The following WEE2 variants were observed in gnomAD, a reference collection of about 807,000 sequenced individuals.
The protein encoded by WEE2 is WEE2 oocyte meiosis inhibiting kinase, also known as wee1-like protein kinase 2.
Under a neutral mutation model 60.1 loss-of-function variants are expected in WEE2, and 50 were observed. That is an observed-to-expected ratio of 0.83 (90% CI 0.66 to 1.05). WEE2 has a LOEUF of 1.05. Among genes scored for constraint, WEE2 ranks in the 50% least tolerant of loss-of-function variants. WEE2 has a pLI of 0.00. For synonymous variants in WEE2, 240 were observed against 241.0 expected (o/e 1.00, Z 0.04); for missense variants, 631 against 684.3 (o/e 0.92, Z 0.87).
At chr7:141,717,927 G>A (rs1798835984) in intron 3 of WEE2, among the ~76,000 whole-genome samples, 2 of 152,198 alleles carry the variant, frequency 1.3e-5, no homozygotes, top group South Asian at 2.1e-4. Context: ...AGGTCTTGAG[G>A]CTTTCTTATC....
At position 141,714,308 on chromosome 7, in the gene WEE2, A is replaced by C. The variant is rs982554202; in HGVS notation, c.442A>C (p.Thr148Pro). The change falls in exon 2 of 12, where the codon ACC becomes CCC. Residue 148 changes from threonine (T) to proline (P), a missense_variant. By Grantham distance (38) the Thr-to-Pro change is conservative. Transcript: ENST00000397541. ...LTPAPLKDEM[T>P]SLALVNINPF... ...ACCTGCTCCCCTCAAGGATGAGATGACCTCATTGGCTCTGGTCAATATTAA... is the reference window on the plus strand; with the variant it reads ...ACCTGCTCCCCTCAAGGATGAGATGCCCTCATTGGCTCTGGTCAATATTAA... The C allele has an allele frequency of 6.2e-7, 1 of 1,613,886 alleles. No homozygotes were observed. The highest frequency in any genetic ancestry group is 8.5e-7 in the Non-Finnish European group (1 of 1,179,864).
intron 9 of WEE2, chr7:141,727,068 G>A (rs1799030065): frequency 2.3e-6 from 1 of 434,908 alleles, no homozygotes. Context: ...TAGTTAGCCA[G>A]CCAGCTCCAA....
rs1451717613 is a variant in WEE2, at chr7:141,723,207, C to T, written c.954C>T (p.Asp318=). The T allele has an allele frequency of 6.2e-7, 1 of 1,614,062 alleles. No individual in the cohort carries two copies. Among genetic ancestry groups the T allele is most frequent in the African/African-American group, 1.3e-5 (1 of 74,932 alleles). The change falls in exon 6 of 12, where the codon GAC becomes GAT. Residue 318 remains aspartate, a synonymous_variant. Coordinates refer to ENST00000397541, the MANE Select transcript of WEE2 (RefSeq NM_001105558.1). ...ATTTTGAAGAGCCAAAACTCAAGGA[C>T]ATCCTTCTACAGATTTCCCTTGGCC... The part of the protein sequence containing the change: ...GNHFEEPKLK[D]ILLQISLGLN...
chr7:141,708,533 T>A lies in WEE2; in HGVS notation c.-226T>A, dbSNP rs374005023. 3 of 568,562 alleles carry A rather than the reference T, an allele frequency of 5.3e-6. No homozygotes were observed. In the Admixed American group the frequency reaches 9.2e-5, roughly 17 times the overall value. The allele number at this position is 568,562 out of a possible 1,614,324, so 35.2% of individuals were successfully genotyped here. On this transcript the variant is annotated 5_prime_UTR_variant, in exon 1 of 12. Transcript: ENST00000397541. ...ATTGCTCCGAGAGTCACTGGAGCTT[T>A]CTTTAATCAGAATGGAAATCAGGAT... is the stretch of plus-strand genomic sequence containing the variant.
At chr7:141,718,158 A>G (rs1209446119) in intron 3 of WEE2, among the ~76,000 whole-genome samples, 1 of 152,178 alleles carries the variant, frequency 6.6e-6, no homozygotes. Context: ...ATGAGGAAGT[A>G]GTAAAACCCA....
rs926849663 is a variant in WEE2 at position 141,711,669 on chromosome 7, C to T, written c.343-2540C>T. 2 of 152,176 alleles carry T rather than the reference C, an allele frequency of 1.3e-5. No homozygotes were observed. Among genetic ancestry groups the T allele is most frequent in the Non-Finnish European group, 2.9e-5 (2 of 68,038 alleles). 9.4% of individuals were successfully genotyped at this position (152,176 alleles called of 1,614,324 possible). A position where few individuals can be genotyped will look rare whatever the true frequency, so the allele number is the denominator to read the frequency against. ...GACCGACCACTTGGTAGAAATACTGCAGAAGGGATTTGTTAGTCTGTTTGC... is the reference window on the plus strand; with the variant it reads ...GACCGACCACTTGGTAGAAATACTGTAGAAGGGATTTGTTAGTCTGTTTGC... On this transcript the variant is annotated intron_variant, in intron 1 of 11. Coordinates refer to ENST00000397541, the MANE Select transcript of WEE2 (RefSeq NM_001105558.1). The surrounding 1 kb of genome is among the most constrained non-coding windows in gnomAD (Gnocchi z 4.2).
chr7:141,727,110 C>T (rs553347412), intron 9 of WEE2, 194 bp from the exon 10 acceptor site: 67 of 548,998 alleles, frequency 1.2e-4, no homozygotes, highest in African/African-American at 1.2e-3. Flanking sequence ...AAGGTGTGGA[C>T]AACTGGTGCT....
At position 141,725,533 on chromosome 7, in the gene WEE2, G is replaced by A. The variant is rs146237199; in HGVS notation, c.1392+337G>A. ...CCAGCTACTTGGGTGGCTGAGACAG[G>A]AGAATGTCTTGAACCCAGGAGACAG... On this transcript the variant is annotated intron_variant, in intron 9 of 11. Transcript: ENST00000397541. 2.1e-3 allele frequency among the ~76,000 whole-genome samples: 320 copies of A among 151,646 alleles called. 2 individuals carry two copies. The highest frequency in any genetic ancestry group is 7.6e-3 in the African/African-American group (312 of 41,310).
At chr7:141,720,464 T>C (rs10257653) in intron 4 of WEE2, among the ~76,000 whole-genome samples, 82,037 of 152,006 alleles carry the variant, frequency 0.54, 22,795 homozygotes, top group African/African-American at 0.68. Flanking sequence ...TTCACTCTAA[T>C]GACTGCCTAG....
At chr7:141,724,413 GA>G in intron 8 of WEE2, 138 bp downstream of exon 8, 1 of 760,676 alleles carries the variant, frequency 1.3e-6, no homozygotes, top group Non-Finnish European at 2.1e-6. Context: ...GGAGACCAAA[GA>G]TAGGAGAGAA....
chr7:141,722,968 CA>C (rs960208137), intron 5 of WEE2, among the ~76,000 whole-genome samples, 165 bp from the exon 6 acceptor site: 2 of 152,182 alleles, frequency 1.3e-5, no homozygotes, highest in African/African-American at 4.8e-5. Flanking sequence ...ATGTATTGAT[CA>C]GAGTACTATG....
chr7:141,723,122 G>A lies in WEE2; in HGVS notation c.881-12G>A, dbSNP rs982709052. 6.2e-7 allele frequency: 1 copy of A among 1,613,792 alleles called. No homozygotes were observed. The highest frequency in any genetic ancestry group is 8.5e-7 in the Non-Finnish European group (1 of 1,179,892). On this transcript the variant is annotated splice_polypyrimidine_tract_variant and intron_variant, in intron 5 of 11. Coordinates refer to ENST00000397541, the MANE Select transcript of WEE2 (RefSeq NM_001105558.1). ...TCATACTGTGGGGCTGTTCTCTGTT[G>A]TTCTTTCCCAGGTGGGAGTTTGCAA... is the stretch of plus-strand genomic sequence containing the variant.
rs760998272 is a variant in WEE2 at position 141,719,057 on chromosome 7, A to C, written c.586-15A>C. The C allele has an allele frequency of 5.0e-6, 8 of 1,608,484 alleles. No individual in the cohort carries two copies. In the African/African-American group the frequency reaches 5.4e-5, roughly 11 times the overall value. On this transcript the variant is annotated splice_polypyrimidine_tract_variant and intron_variant, in intron 3 of 11. Coordinates refer to ENST00000397541, the MANE Select transcript of WEE2 (RefSeq NM_001105558.1). The stretch of plus-strand genomic sequence containing the variant: ...GTAGAATTACTCTAATTTCCTTTTT[A>C]TTAAAATACTTTAGAGATGTGTTTT...
At chr7:141,722,911 C>T (rs1388785394) in intron 5 of WEE2, among the ~76,000 whole-genome samples, 1 of 152,204 alleles carries the variant, frequency 6.6e-6, no homozygotes, top group Non-Finnish European at 1.5e-5. Context: ...ATGCTTTGTA[C>T]TGACACCGAA....
At chr7:141,709,979 G>A (rs535633364) in intron 1 of WEE2, among the ~76,000 whole-genome samples, 27 of 152,282 alleles carry the variant, frequency 1.8e-4, no homozygotes, top group Middle Eastern at 3.4e-3. Context: ...TCCTGACTGC[G>A]ACACAGTTGC....
At chr7:141,718,858 G>C (rs1183110082) in intron 3 of WEE2, among the ~76,000 whole-genome samples, 4 of 152,106 alleles carry the variant, frequency 2.6e-5, no homozygotes, top group East Asian at 3.9e-4. Flanking sequence ...TGTCAGTATA[G>C]GGTTGTACAG....
rs901229612 is a variant in WEE2 at position 141,708,878 on chromosome 7, C to T, written c.120C>T (p.Thr40=). The T allele has an allele frequency of 3.7e-6, 6 of 1,613,968 alleles. No individual in the cohort carries two copies. Among genetic ancestry groups the T allele is most frequent in the African/African-American group, 1.3e-5 (1 of 74,878 alleles). ...AAAGCAGGGAGGCTTCGAGCCAAAC[C>T]CCAGAGAAGGGTGAAGTGCAGGATT... is the stretch of plus-strand genomic sequence containing the variant. ...VEESREASSQ[T]PEKGEVQDSE... is the part of the protein sequence containing the mutation. Residue 40 remains threonine, a synonymous_variant, in exon 1 of 12, where the codon ACC becomes ACT. Coordinates refer to ENST00000397541, the MANE Select transcript of WEE2 (RefSeq NM_001105558.1).
chr7:141,720,817 A>C, intron 4 of WEE2, 118 bp from the exon 5 acceptor site: 1 of 1,069,290 alleles, frequency 9.4e-7, no homozygotes, highest in East Asian at 2.4e-5. Context: ...GTAAGCAAGC[A>C]GTGAGCTCTC....
chr7:141,730,314 G>A lies in WEE2; in HGVS notation c.1698G>A (p.Leu566=). Residue 566 remains leucine (L), a synonymous_variant, in exon 12 of 12, where the codon CTG becomes CTA. Coordinates refer to ENST00000397541, the MANE Select transcript of WEE2 (RefSeq NM_001105558.1). Reference sequence around the variant, plus strand: ...GAACAGCAGGAGAGCGTGAGCCTCTGCATTAAAGGAAGAAAAGGAAAACAG... The same window carrying A: ...GAACAGCAGGAGAGCGTGAGCCTCTACATTAAAGGAAGAAAAGGAAAACAG... ...SSFTSGEREP[L]H is the part of the protein sequence containing the mutation. The A allele has an allele frequency of 6.2e-7, 1 of 1,613,184 alleles. No individual in the cohort carries two copies. Among genetic ancestry groups the A allele is most frequent in the Non-Finnish European group, 8.5e-7 (1 of 1,179,612 alleles).
Sources: allele counts gnomAD v4.1 joint callset (sites outside exome capture counted in the v4.1 genomes callset), GRCh38; gene constraint gnomAD v4.1.1; non-coding constraint Gnocchi (gnomAD v3.1); transcripts MANE v1.5; gene names NCBI Gene and HGNC (gene_info 2026-07-23, HGNC 2026-07-21).